Variants in HPS3 observed in about 807,000 individuals in gnomAD.
HPS3 encodes BLOC-2 complex member HPS3.
In HPS3, 79 loss-of-function variants were observed where a neutral mutation model predicts 110.9. That is an observed-to-expected ratio of 0.71 (90% CI 0.59 to 0.86). The LOEUF is 0.86. Among genes scored for constraint, HPS3 ranks in the 40% least tolerant of loss-of-function variants. The probability of loss-of-function intolerance (pLI) is 0.00; values close to 1 mark genes in which losing one functional copy is unlikely to be tolerated. For synonymous variants in HPS3, 428 were observed against 451.0 expected, an observed-to-expected ratio of 0.95 and a Z score of 0.65; for missense variants, 1,197 against 1,206.2, an observed-to-expected ratio of 0.99 and a Z score of 0.11.
At chr3:149,130,202 G>C in intron 1 of HPS3, 2 of 565,222 alleles carry the variant, frequency 3.5e-6, no homozygotes, top group Non-Finnish European at 6.3e-6. Flanking sequence ...CTGCAGAAAG[G>C]CCTCTGGCTG....
Position 149,168,000 on chromosome 3 carries a change from T to TG in HPS3, c.2887+17_2887+18insG, listed in dbSNP as rs768227421. 3.5e-5 allele frequency: 47 copies of TG among 1,356,148 alleles called. No homozygotes were observed. The highest frequency in any genetic ancestry group is 4.7e-5 in the Non-Finnish European group (44 of 945,872). The allele number at this position is 1,356,148 out of a possible 1,614,324, so 84.0% of individuals were successfully genotyped here. On this transcript the variant is annotated intron_variant, in intron 16 of 16. Coordinates refer to ENST00000296051, the MANE Select transcript of HPS3 (RefSeq NM_032383.5). ...CATTAAAAGGTAAAATGATTTTTTT[T>TG]TTGCTTGATTATAAACTTAAGTTTC...
chr3:149,157,523 T>G lies in HPS3; in HGVS notation c.1683T>G (p.Cys561Trp). ...FKESCGHLGD[C>W]YSRLDSQHSH... ...AAAGCTGTGGGCACCTTGGGGACTG[T>G]TACAGCAGGTGGGTGACACCTCTTG... Residue 561 changes from cysteine (C) to tryptophan (W), a missense_variant, in exon 9 of 17, where the codon TGT (cysteine) becomes TGG (tryptophan). By Grantham distance (215) the Cys-to-Trp change is radical (BLOSUM62 -2). Coordinates refer to ENST00000296051, the MANE Select transcript of HPS3 (RefSeq NM_032383.5). 1.2e-6 allele frequency: 2 copies of G among 1,613,656 alleles called. No individual in the cohort carries two copies. Among genetic ancestry groups the G allele is most frequent in the Middle Eastern group, 1.7e-4 (1 of 6,054 alleles).
intron 14 of HPS3, chr3:149,166,172 T>A: frequency 2.9e-6 from 1 of 349,154 alleles, no homozygotes; most frequent in Non-Finnish European, 5.7e-6. Flanking sequence ...TATAGTTTAA[T>A]TGCTTGAAGT....
At chr3:149,160,677 G>C (rs1054331338) in intron 11 of HPS3, among the ~76,000 whole-genome samples, 1 of 152,188 alleles carries the variant, frequency 6.6e-6, no homozygotes, top group Non-Finnish European at 1.5e-5. Flanking sequence ...AGTAGTTGCA[G>C]AAATAGCCCC....
chr3:149,131,083 G>A (rs147674309), intron 1 of HPS3, among the ~76,000 whole-genome samples: 52 of 150,432 alleles, frequency 3.5e-4, no homozygotes, highest in Non-Finnish European at 1.5e-4. Context: ...CAGCTGGTTC[G>A]GTGTGAGTTT....
At chr3:149,142,794 C>T (rs1372351348) in intron 4 of HPS3, among the ~76,000 whole-genome samples, 1 of 152,100 alleles carries the variant, frequency 6.6e-6, no homozygotes, top group Admixed American at 6.5e-5. Context: ...ATTCGAATAA[C>T]GGCAGATTCA....
At chr3:149,163,092 A>G (rs937522860) in intron 13 of HPS3, among the ~76,000 whole-genome samples, 27 of 152,242 alleles carry the variant, frequency 1.8e-4, no homozygotes, top group Non-Finnish European at 2.2e-4. Flanking sequence ...TCCTCTACTT[A>G]TTAATGTCCC....
rs1199675106 is a variant in HPS3, at chr3:149,167,162, G to A, written c.2718G>A (p.Gln906=). 2 of 1,613,682 alleles carry A rather than the reference G, an allele frequency of 1.2e-6. No individual in the cohort carries two copies. The highest frequency in any genetic ancestry group is 1.3e-5 in the African/African-American group (1 of 74,940). The change falls in exon 15 of 17, where the codon CAG becomes CAA. Residue 906 remains glutamine (Q), a synonymous_variant. Coordinates refer to ENST00000296051, the MANE Select transcript of HPS3 (RefSeq NM_032383.5). ...GTACACGCTTGAAAGAGTATGAACA[G>A]TGCATAGACATACTGTTAGAGAGAT... ...LCRTRLKEYE[Q]CIDILLERCP... is the part of the protein sequence containing the mutation.
intron 1 of HPS3, among the ~76,000 whole-genome samples, chr3:149,133,256 T>C (rs966527973): frequency 3.3e-5 from 5 of 152,140 alleles, no homozygotes; most frequent in African/African-American, 1.2e-4. Flanking sequence ...GAAGAGTCAA[T>C]TGATGGAGCA....
intron 4 of HPS3, among the ~76,000 whole-genome samples, chr3:149,144,456 T>C (rs896127040): frequency 3.3e-5 from 5 of 152,242 alleles, no homozygotes; most frequent in Non-Finnish European, 5.9e-5. Context: ...TCTAATTGAC[T>C]AAAAAACTTC....
In HPS3 at chr3:149,157,538, G is replaced by C; in HGVS notation, c.1691+7G>C. On this transcript the variant is annotated splice_region_variant and intron_variant, in intron 9 of 16. Coordinates refer to ENST00000296051, the MANE Select transcript of HPS3 (RefSeq NM_032383.5). ...TTGGGGACTGTTACAGCAGGTGGGTGACACCTCTTGGAACCTTGTTACAGA... is the reference window on the plus strand; with the variant it reads ...TTGGGGACTGTTACAGCAGGTGGGTCACACCTCTTGGAACCTTGTTACAGA... 1 of 1,612,992 alleles carries C rather than the reference G, an allele frequency of 6.2e-7. No homozygotes were observed. Among genetic ancestry groups the C allele is most frequent in the Non-Finnish European group, 8.5e-7 (1 of 1,179,150 alleles).
At chr3:149,148,022 C>T (rs760901240) in intron 5 of HPS3, among the ~76,000 whole-genome samples, 134 of 152,150 alleles carry the variant, frequency 8.8e-4, no homozygotes, top group Non-Finnish European at 6.3e-4. Context: ...AGGCACCTGC[C>T]GCCATGCCCG....
At position 149,141,180 on chromosome 3, in the gene HPS3, G is replaced by A. The variant is rs1722421044; in HGVS notation, c.876G>A (p.Leu292=). The change falls in exon 3 of 17, where the codon CTG becomes CTA. Residue 292 remains leucine (L), a synonymous_variant. Transcript: ENST00000296051. The part of the protein sequence containing the change: ...EKRKYSHFQH[L]LYRRFAPDIS... ...GAAAATATTCCCACTTTCAGCACCT[G>A]CTCTATAGGTATTATAGTGCTTTTT... The A allele has an allele frequency of 2.5e-6, 4 of 1,602,126 alleles. No homozygotes were observed. Among genetic ancestry groups the A allele is most frequent in the Admixed American group, 3.4e-5 (2 of 59,182 alleles).
chr3:149,134,362 A>G (rs1049698563), intron 1 of HPS3, among the ~76,000 whole-genome samples: 1 of 151,568 alleles, frequency 6.6e-6, no homozygotes, highest in African/African-American at 2.4e-5. Flanking sequence ...CAACTTTTAT[A>G]TGTGTGTGTG....
intron 5 of HPS3, among the ~76,000 whole-genome samples, chr3:149,149,718 A>G (rs186268353): frequency 5.9e-5 from 9 of 152,316 alleles, no homozygotes; most frequent in Non-Finnish European, 1.0e-4. Context: ...GGGAGAAGGA[A>G]GGAATAAAAA....
intron 12 of HPS3, 53 bp downstream of exon 12, chr3:149,162,386 T>G: frequency 6.7e-7 from 1 of 1,492,972 alleles, no homozygotes; most frequent in Non-Finnish European, 9.3e-7. Context: ...AAATTGGTGG[T>G]GGGGAGGGAC....
At chr3:149,156,588 A>G (rs1349387659) in intron 8 of HPS3, among the ~76,000 whole-genome samples, 1 of 145,286 alleles carries the variant, frequency 6.9e-6, no homozygotes, top group Non-Finnish European at 1.5e-5. Context: ...TTTTTTTTTA[A>G]TGGTTAGATT....
At chr3:149,141,538 T>TTTG (rs1553751805) in intron 4 of HPS3, among the ~76,000 whole-genome samples, 158 bp downstream of exon 4, 2 of 148,280 alleles carry the variant, frequency 1.3e-5, no homozygotes, top group African/African-American at 5.0e-5. Context: ...TTTGTTTTTT[T>TTTG]TTTTTTTTTT....
At chr3:149,164,331 C>G (rs1360339340) in intron 14 of HPS3, among the ~76,000 whole-genome samples, 1 of 152,046 alleles carries the variant, frequency 6.6e-6, no homozygotes, top group Non-Finnish European at 1.5e-5. Flanking sequence ...GGTCTCTAAC[C>G]CAAGCCAGGC....
Sources: allele counts gnomAD v4.1 joint callset (sites outside exome capture counted in the v4.1 genomes callset), GRCh38; gene constraint gnomAD v4.1.1; transcripts MANE v1.5; gene names NCBI Gene and HGNC (gene_info 2026-07-23, HGNC 2026-07-21).